Variants in CLEC9A observed in about 807,000 individuals in gnomAD.
CLEC9A encodes the protein C-type lectin domain family 9 member A.
CLEC9A carries 24 observed loss-of-function variants against 30.0 expected under a neutral mutation model. That is an observed-to-expected ratio of 0.80 (90% confidence interval 0.58 to 1.13). The LOEUF is 1.13. Among genes scored for constraint, CLEC9A ranks in the 50% most tolerant of loss-of-function variants. CLEC9A has a pLI of 0.00. For missense variants in CLEC9A, 251 were observed against 280.9 expected (o/e 0.89, Z 0.76); for synonymous variants, 111 against 96.8 (o/e 1.15, Z -0.86).
intron 5 of CLEC9A, among the ~76,000 whole-genome samples, chr12:10,059,920 T>C (rs561348416): frequency 1.6e-4 from 24 of 152,096 alleles, no homozygotes; most frequent in Admixed American, 1.6e-3. Flanking sequence ...CCAGAGAGAA[T>C]ATACAGATGT....
chr12:10,043,854 T>C (rs1389491046), intron 2 of CLEC9A, among the ~76,000 whole-genome samples: 2 of 152,060 alleles, frequency 1.3e-5, no homozygotes, highest in Admixed American at 6.6e-5. Context: ...CTAATTTTTG[T>C]ATTTTTAGTA....
At chr12:10,046,542 T>C (rs1324509280) in intron 2 of CLEC9A, among the ~76,000 whole-genome samples, 1 of 152,230 alleles carries the variant, frequency 6.6e-6, no homozygotes, top group African/African-American at 2.4e-5. Flanking sequence ...TCTTGCTGAA[T>C]AACTCAGCAA....
intron 4 of CLEC9A, among the ~76,000 whole-genome samples, chr12:10,053,374 G>T (rs1865912885): frequency 6.6e-6 from 1 of 152,182 alleles, no homozygotes; most frequent in Admixed American, 6.5e-5. Flanking sequence ...TCTATCCCTT[G>T]TCTTTTCTGG....
In CLEC9A at chr12:10,043,836, C is replaced by A. The variant is rs551375421; in HGVS notation, c.-163+2216C>A. 3.3e-5 allele frequency among the ~76,000 whole-genome samples: 5 copies of A among 152,076 alleles called. No homozygotes were observed. The East Asian group carries it at 9.7e-4, about 29-fold the overall frequency. Reference sequence around the variant, plus strand: ...AGCTGGGATTACAGGCACGCGCCACCACACCAGCTAATTTTTGTATTTTTA... The same window carrying A: ...AGCTGGGATTACAGGCACGCGCCACAACACCAGCTAATTTTTGTATTTTTA... On this transcript the variant is annotated intron_variant, in intron 2 of 8. Transcript: ENST00000355819.
At position 10,052,706 on chromosome 12, in the gene CLEC9A, T is replaced by C. The variant is rs779393267; in HGVS notation, c.19T>C (p.Tyr7His). 3.1e-6 allele frequency: 5 copies of C among 1,613,852 alleles called. No homozygotes were observed. The highest frequency in any genetic ancestry group is 1.1e-5 in the South Asian group (1 of 91,086). ...CTTAGACATGCACGAGGAAGAAATA[T>C]ACACCTCTCTTCAGTGGGATAGCCC... MHEEEI[Y>H]TSLQWDSPAP... Residue 7 changes from tyrosine (Y) to histidine (H), a missense_variant, in exon 4 of 9, where the codon TAC (tyrosine) becomes CAC (histidine). Coordinates refer to ENST00000355819, the MANE Select transcript of CLEC9A (RefSeq NM_207345.4).
chr12:10,048,366 G>GAAAAAAAAAAAA, intron 2 of CLEC9A, among the ~76,000 whole-genome samples: 1 of 128,650 alleles, frequency 7.8e-6, no homozygotes, highest in Non-Finnish European at 1.7e-5. Flanking sequence ...GTGAGATTCC[G>GAAAAAAAAAAAA]AAAAAAAAAA....
chr12:10,032,484 G>A (rs1164171061), intron 1 of CLEC9A, among the ~76,000 whole-genome samples: 1 of 141,238 alleles, frequency 7.1e-6, no homozygotes, highest in Non-Finnish European at 1.5e-5. Context: ...TCCGCCTCCC[G>A]GGTTCACGCC....
chr12:10,058,764 C>T (rs139260031), intron 5 of CLEC9A, among the ~76,000 whole-genome samples: 3,105 of 152,234 alleles, frequency 0.02, 112 homozygotes, highest in African/African-American at 0.071. Flanking sequence ...ATGGTGGTCT[C>T]GAACTCCTGA....
chr12:10,043,743 G>A (rs1182408851), intron 2 of CLEC9A, among the ~76,000 whole-genome samples: 1 of 151,876 alleles, frequency 6.6e-6, no homozygotes, highest in Non-Finnish European at 1.5e-5. Context: ...GTGCAGTGGT[G>A]CGATCTTGGC....
At chr12:10,037,713 C>T (rs531620452) in intron 1 of CLEC9A, among the ~76,000 whole-genome samples, 2 of 152,270 alleles carry the variant, frequency 1.3e-5, no homozygotes, top group African/African-American at 2.4e-5. Context: ...ATCGTTATAA[C>T]AAAACAATCT....
intron 5 of CLEC9A, 64 bp from the exon 6 acceptor site, chr12:10,061,063 G>T: frequency 5.1e-6 from 8 of 1,560,140 alleles, no homozygotes; most frequent in Non-Finnish European, 6.1e-6. Context: ...TTTAGTCTGT[G>T]TTGAAGGATT....
At chr12:10,065,193 TG>T (rs1866033079) in intron 8 of CLEC9A, among the ~76,000 whole-genome samples, 1 of 152,156 alleles carries the variant, frequency 6.6e-6, no homozygotes, top group Non-Finnish European at 1.5e-5. Flanking sequence ...AGTGGGGAGA[TG>T]GAGAAGCAGA....
intron 1 of CLEC9A, among the ~76,000 whole-genome samples, chr12:10,031,930 G>A (rs1235055244): frequency 6.6e-6 from 1 of 152,046 alleles, no homozygotes; most frequent in African/African-American, 2.4e-5. Flanking sequence ...CAAGTAGAAG[G>A]GGAAGTGAGG....
At chr12:10,064,675 C>A in intron 7 of CLEC9A, 57 bp from the exon 8 acceptor site, 1 of 1,548,242 alleles carries the variant, frequency 6.5e-7, no homozygotes, top group Non-Finnish European at 8.8e-7. Context: ...CTTTATATTT[C>A]ACTAGAGTTT....
rs938809339 is a variant in CLEC9A at position 10,065,742 on chromosome 12, C to T, written c.*110C>T. ...CAGAACAGTAAACCAAAATGTGGGC[C>T]ATGAAATTAGCAACCTGGGACTCAA... On this transcript the variant is annotated 3_prime_UTR_variant, in exon 9 of 9. Coordinates refer to ENST00000355819, the MANE Select transcript of CLEC9A (RefSeq NM_207345.4). The T allele has an allele frequency of 8.0e-7, 1 of 1,253,698 alleles. No homozygotes were observed. The highest frequency in any genetic ancestry group is 1.5e-5 in the African/African-American group (1 of 64,904). The allele number at this position is 1,253,698 out of a possible 1,614,324, so 77.7% of individuals were successfully genotyped here.
In CLEC9A at chr12:10,041,509, T is replaced by C. The variant is rs867574001; in HGVS notation, c.-274T>C. On this transcript the variant is annotated 5_prime_UTR_variant, in exon 2 of 9. The change abolishes an upstream ATG in the 5' untranslated region. Transcript: ENST00000355819. Reference sequence around the variant, plus strand: ...CCTGTGATGCCAACTGGACATATTATGGAGATAGCTGCTATGGGTTCTTCA... The same window carrying C: ...CCTGTGATGCCAACTGGACATATTACGGAGATAGCTGCTATGGGTTCTTCA... 6.1e-5 allele frequency: 30 copies of C among 490,942 alleles called. No individual in the cohort carries two copies. The East Asian group carries it at 8.2e-4, about 13-fold the overall frequency. The allele number at this position is 490,942 out of a possible 1,614,324, so 30.4% of individuals were successfully genotyped here. A position where few individuals can be genotyped will look rare whatever the true frequency, so the allele number is the denominator to read the frequency against.
intron 5 of CLEC9A, among the ~76,000 whole-genome samples, chr12:10,060,139 C>G (rs1010610575): frequency 6.6e-5 from 10 of 152,184 alleles, no homozygotes; most frequent in Admixed American, 3.3e-4. Flanking sequence ...TGGAAAATAG[C>G]GTAGCAGTTT....
chr12:10,061,364 A>C, intron 6 of CLEC9A, 91 bp downstream of exon 6: 1 of 1,303,180 alleles, frequency 7.7e-7, no homozygotes, highest in African/African-American at 1.5e-5. Flanking sequence ...TGTTCTCTGC[A>C]AAACTGTTAG....
In CLEC9A at chr12:10,054,392, T is replaced by C. The variant is rs1173787869; in HGVS notation, c.172+41T>C. 4.0e-6 allele frequency: 5 copies of C among 1,262,412 alleles called. No individual in the cohort carries two copies. In the African/African-American group the frequency reaches 7.5e-5, roughly 19 times the overall value. The allele number at this position is 1,262,412 out of a possible 1,614,324, so 78.2% of individuals were successfully genotyped here. On this transcript the variant is annotated intron_variant, in intron 5 of 8. Coordinates refer to ENST00000355819, the MANE Select transcript of CLEC9A (RefSeq NM_207345.4). ...TATTTTCAAAATATGTATATCGTTA[T>C]ATATAAAACTTCATAATTTATAAAT...
Sources: gnomAD v4.1 joint callset for allele counts (sites outside exome capture counted in the v4.1 genomes callset) on GRCh38, gnomAD v4.1.1 for gene constraint, MANE v1.5 for transcripts, NCBI Gene and HGNC (gene_info 2026-07-23, HGNC 2026-07-21) for gene names.